The following LIPA variants were observed in gnomAD, a reference collection of about 807,000 sequenced individuals.
The protein encoded by LIPA is lipase A, lysosomal acid type.
LIPA carries 26 observed loss-of-function variants against 40.6 expected under a neutral mutation model. That is an observed-to-expected ratio of 0.64 (90% CI 0.47 to 0.89). The LOEUF is 0.89. Among genes scored for constraint, LIPA ranks in the 40% least tolerant of loss-of-function variants. LIPA has a pLI of 0.00. For missense variants in LIPA, 455 were observed against 479.6 expected (o/e 0.95, Z 0.48); for synonymous variants, 188 against 168.4 (o/e 1.12, Z -0.90).
intron 2 of LIPA, among the ~76,000 whole-genome samples, chr10:89,409,000 G>A (rs978746380): frequency 1.3e-5 from 2 of 152,188 alleles, no homozygotes; most frequent in African/African-American, 4.8e-5. Context: ...AAAAGCCCAC[G>A]AATTATTCAG....
chr10:89,383,359 C>A, intron 2 of LIPA: 1 of 1,614,090 alleles, frequency 6.2e-7, no homozygotes, highest in Non-Finnish European at 8.5e-7. Context: ...CAGCCTGATT[C>A]AGCTGAGATG....
chr10:89,396,311 G>T (rs1212308179), intron 2 of LIPA, among the ~76,000 whole-genome samples: 1 of 152,138 alleles, frequency 6.6e-6, no homozygotes, highest in East Asian at 1.9e-4. Flanking sequence ...CTAAGGCTGG[G>T]CAATTTCTAA....
intron 1 of LIPA, among the ~76,000 whole-genome samples, chr10:89,288,704 C>T (rs1329827628): frequency 6.6e-6 from 1 of 152,158 alleles, no homozygotes; most frequent in African/African-American, 2.4e-5. Context: ...GCAGGCTATA[C>T]TATAGTATCT....
chr10:89,343,632 G>A (rs547159717), upstream of LIPA, among the ~76,000 whole-genome samples: 3 of 152,250 alleles, frequency 2.0e-5, no homozygotes, highest in Non-Finnish European at 4.4e-5. Flanking sequence ...GCTATACTTT[G>A]GGCATCATGT....
chr10:89,384,538 G>GA (rs1172046067), intron 2 of LIPA: 7 of 1,613,904 alleles, frequency 4.3e-6, no homozygotes, highest in Non-Finnish European at 5.9e-6. Context: ...TTTGAAAATA[G>GA]AAAAAATGTC....
chr10:89,294,157 T>C (rs1049939517), intron 1 of LIPA, among the ~76,000 whole-genome samples: 1 of 152,258 alleles, frequency 6.6e-6, no homozygotes, highest in African/African-American at 2.4e-5. Flanking sequence ...AGCATGGTCT[T>C]ATTTCTGAAT....
At chr10:89,229,832 A>G (rs977652452) in intron 3 of LIPA, among the ~76,000 whole-genome samples, 4 of 152,130 alleles carry the variant, frequency 2.6e-5, no homozygotes, top group African/African-American at 9.7e-5. Flanking sequence ...AACAATTACA[A>G]TTCCACTCTG....
intron 2 of LIPA, among the ~76,000 whole-genome samples, chr10:89,372,738 T>C (rs1052287955): frequency 6.6e-6 from 1 of 152,210 alleles, no homozygotes; most frequent in African/African-American, 2.4e-5. Flanking sequence ...GGGAATGGCA[T>C]TGAACTTCTT....
intron 1 of LIPA, among the ~76,000 whole-genome samples, chr10:89,324,470 C>T (rs1843588791): frequency 6.6e-6 from 1 of 152,130 alleles, no homozygotes; most frequent in Non-Finnish European, 1.5e-5. Context: ...GCAAAGATTT[C>T]ATGATGAAGA....
intron 1 of LIPA, among the ~76,000 whole-genome samples, chr10:89,295,705 T>A (rs563791929): frequency 7.4e-4 from 112 of 152,356 alleles, no homozygotes; most frequent in Non-Finnish European, 1.2e-3. Flanking sequence ...TCTATTGTTC[T>A]AGGAAATATG....
At chr10:89,352,999 C>T (rs568324833) in intron 2 of LIPA, among the ~76,000 whole-genome samples, 2 of 152,230 alleles carry the variant, frequency 1.3e-5, no homozygotes, top group African/African-American at 4.8e-5. Flanking sequence ...TTCCTCTGCC[C>T]TATCGTTCAT....
intron 8 of LIPA, among the ~76,000 whole-genome samples, chr10:89,217,272 TA>T: frequency 6.6e-6 from 1 of 152,354 alleles, no homozygotes; most frequent in Admixed American, 6.5e-5. Flanking sequence ...TTTGATGTAA[TA>T]AAAGACAGAG....
At chr10:89,217,958 TA>T (rs1842648870) in intron 8 of LIPA, among the ~76,000 whole-genome samples, 1 of 152,074 alleles carries the variant, frequency 6.6e-6, no homozygotes, top group Non-Finnish European at 1.5e-5. Flanking sequence ...GTCATAAATA[TA>T]AATAAAATAC....
intron 2 of LIPA, among the ~76,000 whole-genome samples, chr10:89,355,573 T>G (rs1589620154): frequency 6.6e-6 from 1 of 152,076 alleles, no homozygotes. Context: ...AGGGGCTGGG[T>G]GAAATAAGGC....
At chr10:89,247,412 TTCAG>T in intron 2 of LIPA, 122 bp downstream of exon 2, 2 of 378,002 alleles carry the variant, frequency 5.3e-6, no homozygotes, top group Non-Finnish European at 9.7e-6. Flanking sequence ...AAAAAAAAAA[TTCAG>T]AGAAATTGAA....
At chr10:89,305,208 G>A (rs1000666231) in intron 1 of LIPA, among the ~76,000 whole-genome samples, 19 of 152,012 alleles carry the variant, frequency 1.2e-4, no homozygotes, top group African/African-American at 3.6e-4. Context: ...CAGATAAAAT[G>A]AGTAAAAATT....
chr10:89,412,158 A>T (rs1841474207), intron 2 of LIPA, among the ~76,000 whole-genome samples: 1 of 152,206 alleles, frequency 6.6e-6, no homozygotes, highest in South Asian at 2.1e-4. Context: ...TAGCTAGAGC[A>T]GTCATCAGCC....
At chr10:89,233,761 G>T (rs946017653) in intron 3 of LIPA, among the ~76,000 whole-genome samples, 1 of 152,188 alleles carries the variant, frequency 6.6e-6, no homozygotes, top group Non-Finnish European at 1.5e-5. Flanking sequence ...AGTTACTCAG[G>T]AGGCTGAGGC....
intron 1 of LIPA, chr10:89,338,780 T>C (rs1216868717): frequency 3.1e-6 from 5 of 1,613,938 alleles, no homozygotes; most frequent in East Asian, 2.2e-5. Context: ...TGTAACCAGA[T>C]TGAATTTTTA....
Sources: gnomAD v4.1 joint callset for allele counts (sites outside exome capture counted in the v4.1 genomes callset) on GRCh38, gnomAD v4.1.1 for gene constraint, MANE v1.5 for transcripts, NCBI Gene and HGNC (gene_info 2026-07-23, HGNC 2026-07-21) for gene names.